The following GRM8 variants were observed in gnomAD, a reference collection of about 807,000 sequenced individuals.
The protein encoded by GRM8 is glutamate metabotropic receptor 8.
GRM8 carries 47 observed loss-of-function variants against 87.2 expected under a neutral mutation model. The ratio of observed to expected loss-of-function variants is 0.54; its 90% CI spans 0.43 to 0.69. The LOEUF (loss-of-function observed/expected upper bound fraction) is 0.69. GRM8 is among the 30% of genes least tolerant of loss of function. GRM8 has a pLI of 0.00. For synonymous variants in GRM8, 396 were observed against 404.5 expected, an observed-to-expected ratio of 0.98 and a Z score of 0.25; for missense variants, 1,019 against 1,139.2, an observed-to-expected ratio of 0.89 and a Z score of 1.52.
chr7:127,247,903 G>A (rs1475374571), intron 1 of GRM8, among the ~76,000 whole-genome samples: 1 of 152,050 alleles, frequency 6.6e-6, no homozygotes, highest in Non-Finnish European at 1.5e-5. Flanking sequence ...TTTCATCAGT[G>A]AGAGGATTGT....
chr7:127,159,179 T>G (rs1792932998), intron 2 of GRM8, among the ~76,000 whole-genome samples: 1 of 152,338 alleles, frequency 6.6e-6, no homozygotes, highest in East Asian at 1.9e-4. Context: ...CACATCACTT[T>G]TGTTGTGTGC....
intron 6 of GRM8, among the ~76,000 whole-genome samples, chr7:126,786,478 T>C (rs1459859946): frequency 6.6e-6 from 1 of 152,184 alleles, no homozygotes; most frequent in Non-Finnish European, 1.5e-5. Flanking sequence ...ATCATGTTTA[T>C]TTTCATTCAT....
chr7:126,500,506 T>C (rs1006597019), intron 9 of GRM8, among the ~76,000 whole-genome samples: 1 of 151,952 alleles, frequency 6.6e-6, no homozygotes, highest in Non-Finnish European at 1.5e-5. Context: ...CCATAAGAAC[T>C]GGCACAGTTG....
At chr7:126,757,666 T>C (rs1465719530) in intron 7 of GRM8, among the ~76,000 whole-genome samples, 2 of 152,158 alleles carry the variant, frequency 1.3e-5, no homozygotes. Context: ...TGGGCAGTGC[T>C]ACAAGGACTT....
chr7:126,902,182 T>C (rs2535938), intron 6 of GRM8, among the ~76,000 whole-genome samples: 54,755 of 152,012 alleles, frequency 0.36, 10,453 homozygotes, highest in East Asian at 0.66. Flanking sequence ...TAGCAACTTA[T>C]CATGATACAT....
chr7:126,710,060 T>C (rs1381722513), intron 7 of GRM8, among the ~76,000 whole-genome samples: 1 of 152,236 alleles, frequency 6.6e-6, no homozygotes, highest in Non-Finnish European at 1.5e-5. Flanking sequence ...TAAAAGTTAG[T>C]TTTATACTCT....
chr7:127,168,067 A>C (rs540411792), intron 2 of GRM8, among the ~76,000 whole-genome samples: 55 of 152,224 alleles, frequency 3.6e-4, no homozygotes, highest in African/African-American at 1.2e-3. Flanking sequence ...TCAGAGTGAA[A>C]AGGCAACCTA....
intron 9 of GRM8, among the ~76,000 whole-genome samples, chr7:126,466,943 T>C (rs1386400529): frequency 6.6e-6 from 1 of 151,970 alleles, no homozygotes; most frequent in Non-Finnish European, 1.5e-5. Context: ...ACATACTGCA[T>C]TGGTTTTGAA....
Position 126,456,519 on chromosome 7 carries a change from T to TAAAAAAAAAAAAAAAAAA in GRM8, c.2431-10165_2431-10148dup, listed in dbSNP as rs513. Among the ~76,000 whole-genome samples, 60 of 69,674 alleles carry TAAAAAAAAAAAAAAAAAA rather than the reference T, an allele frequency of 8.6e-4. 5 individuals carry two copies. Among genetic ancestry groups the TAAAAAAAAAAAAAAAAAA allele is most frequent in the African/African-American group, 1.7e-3 (20 of 12,066 alleles). The allele number at this position is 69,674 out of a possible 152,430, so 45.7% of individuals were successfully genotyped here. ...TCCTAAGTGTAAGAAAGCAGCAAGC[T>TAAAAAAAAAAAAAAAAAA]AAAAAAAAAAAAAAAAAAAAAAAAA... On this transcript the variant is annotated intron_variant, in intron 9 of 10. Transcript: ENST00000339582.
intron 9 of GRM8, among the ~76,000 whole-genome samples, chr7:126,463,005 A>G (rs1412483922): frequency 6.6e-6 from 1 of 151,594 alleles, no homozygotes; most frequent in African/African-American, 2.4e-5. Flanking sequence ...CCAGTCATCG[A>G]CTGTTCTGAC....
At chr7:126,520,534 G>A (rs143667462) in intron 9 of GRM8, among the ~76,000 whole-genome samples, 124 of 152,154 alleles carry the variant, frequency 8.1e-4, no homozygotes, top group East Asian at 3.9e-3. Flanking sequence ...AGAATGTCAA[G>A]GGAATAGTGC....
intron 3 of GRM8, among the ~76,000 whole-genome samples, chr7:127,048,168 G>T (rs146121624): frequency 5.0e-4 from 76 of 152,274 alleles, no homozygotes; most frequent in Non-Finnish European, 2.9e-5. Flanking sequence ...GAAGGGGAGG[G>T]GAAAGAACTA....
At chr7:127,116,873 T>C (rs1826728936) in intron 2 of GRM8, among the ~76,000 whole-genome samples, 1 of 152,178 alleles carries the variant, frequency 6.6e-6, no homozygotes, top group Admixed American at 6.5e-5. Flanking sequence ...TTTCAAATAC[T>C]ATATGCAAAA....
rs10278319 is a variant in GRM8, at chr7:126,764,365, T to C, written c.1357+5500A>G. On this transcript the variant is annotated intron_variant, in intron 7 of 10. Transcript: ENST00000339582. ...GTATTTGTAACATAAATTAGGCTAA[T>C]ATTTTTATCATATGACTTTACACAA... Among the ~76,000 whole-genome samples, 1,302 of 152,182 alleles carry C rather than the reference T, an allele frequency of 8.6e-3. 24 individuals carry two copies. Among genetic ancestry groups the C allele is most frequent in the African/African-American group, 0.03 (1,227 of 41,560 alleles).
At chr7:127,157,200 AC>A (rs1792783687) in intron 2 of GRM8, among the ~76,000 whole-genome samples, 1 of 109,132 alleles carries the variant, frequency 9.2e-6, no homozygotes, top group Non-Finnish European at 2.2e-5. Flanking sequence ...GGAAATGAGA[AC>A]AAATAAGAAA....
At chr7:127,111,870 T>C (rs1341835418) in intron 2 of GRM8, among the ~76,000 whole-genome samples, 3 of 151,864 alleles carry the variant, frequency 2.0e-5, no homozygotes, top group Non-Finnish European at 4.4e-5. Flanking sequence ...CTACTAAAAA[T>C]ACCAAAACTT....
intron 3 of GRM8, among the ~76,000 whole-genome samples, chr7:126,915,828 C>G (rs1297831799): frequency 5.3e-5 from 8 of 152,122 alleles, no homozygotes; most frequent in Non-Finnish European, 1.0e-4. Context: ...AAAAGGAATT[C>G]TCTGTAGGGT....
At chr7:126,899,601 G>A (rs1305944633) in intron 6 of GRM8, among the ~76,000 whole-genome samples, 2 of 152,028 alleles carry the variant, frequency 1.3e-5, no homozygotes, top group South Asian at 2.1e-4. Context: ...CTCTGATTAC[G>A]TATATGTTTG....
chr7:127,188,917 G>A (rs761298805), intron 2 of GRM8, among the ~76,000 whole-genome samples: 1 of 152,136 alleles, frequency 6.6e-6, no homozygotes, highest in South Asian at 2.1e-4. Context: ...TGTATTAAAC[G>A]ATCACATAAA....
Sources: gnomAD v4.1 joint callset for allele counts (sites outside exome capture counted in the v4.1 genomes callset) on GRCh38, gnomAD v4.1.1 for gene constraint, MANE v1.5 for transcripts, NCBI Gene and HGNC (gene_info 2026-07-23, HGNC 2026-07-21) for gene names.